The following CTDSPL variants were observed in gnomAD, a reference collection of about 807,000 sequenced individuals.
CTDSPL encodes the protein CTD small phosphatase like, also known as CTD small phosphatase-like protein.
Under a neutral mutation model 30.5 loss-of-function variants are expected in CTDSPL, and 8 were observed. That is an observed-to-expected ratio of 0.26 (90% CI 0.15 to 0.47). The LOEUF (loss-of-function observed/expected upper bound fraction) is 0.47. Ranked by LOEUF, CTDSPL falls within the 20% of genes least tolerant of loss-of-function variation. The pLI, the probability that CTDSPL is intolerant of heterozygous loss-of-function variation, is 0.99. For synonymous variants in CTDSPL, 110 were observed against 137.9 expected (o/e 0.80, Z 1.42); for missense variants, 248 against 366.1 (o/e 0.68, Z 2.63).
At chr3:37,901,217 T>C (rs1187016386) in intron 1 of CTDSPL, among the ~76,000 whole-genome samples, 1 of 152,168 alleles carries the variant, frequency 6.6e-6, no homozygotes, top group South Asian at 2.1e-4. Flanking sequence ...TCAGCCCCCA[T>C]CTCAGGGCCT....
chr3:37,897,883 G>T (rs1391863225), intron 1 of CTDSPL, among the ~76,000 whole-genome samples: 2 of 152,160 alleles, frequency 1.3e-5, no homozygotes, highest in Non-Finnish European at 2.9e-5. Context: ...TGTGATAACT[G>T]GCTTAGACTT....
At chr3:37,881,744 T>G (rs369652813) in intron 1 of CTDSPL, among the ~76,000 whole-genome samples, 1 of 151,974 alleles carries the variant, frequency 6.6e-6, no homozygotes, top group Non-Finnish European at 1.5e-5. Context: ...CTATATAGTG[T>G]ATGGATATAT....
intron 6 of CTDSPL, among the ~76,000 whole-genome samples, chr3:37,972,109 T>C (rs552896295): frequency 3.9e-5 from 6 of 152,238 alleles, no homozygotes; most frequent in Non-Finnish European, 5.9e-5. Flanking sequence ...ACAGCAAGTA[T>C]TCATTGAGCA....
rs1451995309 is a variant in CTDSPL at position 37,879,868 on chromosome 3, A to T, written c.79+17590A>T. ...ATATTAAATATTATTTTATGTATACATATATAGTACAAAGTATATGAGCGT... is the reference window on the plus strand; with the variant it reads ...ATATTAAATATTATTTTATGTATACTTATATAGTACAAAGTATATGAGCGT... On this transcript the variant is annotated intron_variant, in intron 1 of 7. Coordinates refer to ENST00000273179, the MANE Select transcript of CTDSPL (RefSeq NM_001008392.2). 2.6e-5 allele frequency among the ~76,000 whole-genome samples: 4 copies of T among 152,016 alleles called. No homozygotes were observed. The East Asian group carries it at 7.7e-4, about 29-fold the overall frequency.
chr3:37,969,226 T>C (rs781618039), intron 5 of CTDSPL, among the ~76,000 whole-genome samples: 2 of 152,224 alleles, frequency 1.3e-5, no homozygotes, highest in Non-Finnish European at 2.9e-5. Flanking sequence ...TTGTACCACG[T>C]GACTGTAAGC....
In CTDSPL at chr3:37,984,117, T is replaced by C. The variant is rs1390078620; in HGVS notation, c.*3250T>C. 4.5e-6 allele frequency: 2 copies of C among 443,844 alleles called. No individual in the cohort carries two copies. Among genetic ancestry groups the C allele is most frequent in the African/African-American group, 4.0e-5 (2 of 49,940 alleles). The allele number at this position is 443,844 out of a possible 1,614,324, so 27.5% of individuals were successfully genotyped here. A position where few individuals can be genotyped will look rare whatever the true frequency, so the allele number is the denominator to read the frequency against. ...CTTTTAAAGGTGCTGTGCTGGACAG[T>C]TGGCATGCCAGGGTTCGAGAAGAGT... On this transcript the variant is annotated 3_prime_UTR_variant, in exon 8 of 8. Transcript: ENST00000273179.
chr3:37,910,978 G>A (rs1698576385), intron 1 of CTDSPL, among the ~76,000 whole-genome samples: 1 of 152,222 alleles, frequency 6.6e-6, no homozygotes, highest in South Asian at 2.1e-4. Context: ...GCAGGCGTCT[G>A]CCCCTGGTTT....
rs1289304507 is a variant in CTDSPL, at chr3:37,862,365, T to C, written c.79+87T>C. On this transcript the variant is annotated intron_variant, in intron 1 of 7. Coordinates refer to ENST00000273179, the MANE Select transcript of CTDSPL (RefSeq NM_001008392.2). This position sits in a 1 kb window ranked among gnomAD's most constrained non-coding sequence, Gnocchi z 4.3. ...TCACTGCCGGGCGCCGGCATGGGCCTGGGGGAGGGGTGCACAGGGCCCGGA... is the reference window on the plus strand; with the variant it reads ...TCACTGCCGGGCGCCGGCATGGGCCCGGGGGAGGGGTGCACAGGGCCCGGA... 4.9e-5 allele frequency: 59 copies of C among 1,193,408 alleles called. No individual in the cohort carries two copies. Among genetic ancestry groups the C allele is most frequent in the East Asian group, 3.4e-5 (1 of 29,314 alleles). The allele number at this position is 1,193,408 out of a possible 1,614,324, so 73.9% of individuals were successfully genotyped here. A position where few individuals can be genotyped will look rare whatever the true frequency, so the allele number is the denominator to read the frequency against.
chr3:37,930,927 T>C (rs1258737338), intron 1 of CTDSPL, among the ~76,000 whole-genome samples: 5 of 152,242 alleles, frequency 3.3e-5, no homozygotes, highest in Non-Finnish European at 7.3e-5. Context: ...TTATGTAATA[T>C]CTTTGTTTGT....
intron 7 of CTDSPL, among the ~76,000 whole-genome samples, chr3:37,978,400 A>T (rs1225289178): frequency 6.6e-6 from 1 of 152,230 alleles, no homozygotes; most frequent in East Asian, 1.9e-4. Flanking sequence ...GAATATTTGC[A>T]TATACATAAT....
intron 4 of CTDSPL, 58 bp downstream of exon 4, chr3:37,964,730 GA>G: frequency 2.3e-6 from 3 of 1,324,652 alleles, no homozygotes; most frequent in South Asian, 2.4e-5. Flanking sequence ...AATTGTATTG[GA>G]AAAGGGAAAA....
At chr3:37,901,649 C>T (rs1698451611) in intron 1 of CTDSPL, among the ~76,000 whole-genome samples, 1 of 152,124 alleles carries the variant, frequency 6.6e-6, no homozygotes, top group Admixed American at 6.5e-5. Context: ...CTTTGCAGAC[C>T]TCTTGCTTTG....
intron 1 of CTDSPL, among the ~76,000 whole-genome samples, chr3:37,879,852 A>G (rs1380606241): frequency 1.3e-5 from 2 of 152,110 alleles, no homozygotes; most frequent in African/African-American, 4.8e-5. Flanking sequence ...AATATTAAAT[A>G]TTATTTTATG....
At chr3:37,964,854 C>A (rs1409312478) in intron 4 of CTDSPL, among the ~76,000 whole-genome samples, 182 bp downstream of exon 4, 1 of 152,164 alleles carries the variant, frequency 6.6e-6, no homozygotes, top group Non-Finnish European at 1.5e-5. Context: ...TGAATATTAA[C>A]ATAATTAGTT....
intron 3 of CTDSPL, among the ~76,000 whole-genome samples, chr3:37,960,553 C>T (rs1408184460): frequency 1.7e-5 from 2 of 118,282 alleles, no homozygotes; most frequent in Non-Finnish European, 3.4e-5. Flanking sequence ...CACACACACA[C>T]ACACACACAC....
chr3:37,920,488 C>A (rs1439762799), intron 1 of CTDSPL, among the ~76,000 whole-genome samples: 3 of 152,332 alleles, frequency 2.0e-5, no homozygotes, highest in Non-Finnish European at 4.4e-5. Flanking sequence ...CACCACAGAT[C>A]AGCTGTGTTT....
At chr3:37,933,492 A>G (rs942972724) in intron 1 of CTDSPL, among the ~76,000 whole-genome samples, 2 of 152,212 alleles carry the variant, frequency 1.3e-5, no homozygotes, top group African/African-American at 4.8e-5. Context: ...CTAGCAAGCT[A>G]CTGTATGCAC....
intron 1 of CTDSPL, among the ~76,000 whole-genome samples, chr3:37,880,276 A>G (rs1048379950): frequency 3.3e-5 from 5 of 152,168 alleles, no homozygotes; most frequent in Non-Finnish European, 5.9e-5. Context: ...AACAAATAGT[A>G]GCGCCAGGAG....
intron 1 of CTDSPL, among the ~76,000 whole-genome samples, chr3:37,923,534 G>T (rs1002384125): frequency 3.9e-5 from 6 of 151,952 alleles, no homozygotes; most frequent in African/African-American, 1.2e-4. Flanking sequence ...ATCAAGAGAG[G>T]TTTCTTAGGG....
Sources: allele counts gnomAD v4.1 joint callset (sites outside exome capture counted in the v4.1 genomes callset), GRCh38; gene constraint gnomAD v4.1.1; non-coding constraint Gnocchi (gnomAD v3.1); transcripts MANE v1.5; gene names NCBI Gene and HGNC (gene_info 2026-07-23, HGNC 2026-07-21).